ABR: variants seen among roughly 807,000 people sequenced by gnomAD.
The protein encoded by ABR is ABR activator of RhoGEF and GTPase.
Under a neutral mutation model 107.2 loss-of-function variants are expected in ABR, and 35 were observed. The observed-to-expected ratio is 0.33, with a 90% CI of 0.25 to 0.43. ABR has a LOEUF of 0.43. ABR is among the 20% of genes least tolerant of loss of function. The probability of loss-of-function intolerance (pLI) is 1.00; values close to 1 mark genes in which losing one functional copy is unlikely to be tolerated. For missense variants in ABR, 815 were observed against 1,115.2 expected, an observed-to-expected ratio of 0.73 and a Z score of 3.83; for synonymous variants, 498 against 462.0, an observed-to-expected ratio of 1.08 and a Z score of -1.00.
intron 8 of ABR, 144 bp downstream of exon 8, chr17:1,072,470 T>C: frequency 2.8e-6 from 1 of 356,128 alleles, no homozygotes; most frequent in South Asian, 3.7e-5. Flanking sequence ...CTGCCGCCCG[T>C]GTGTGAGAGA....
At chr17:1,125,069 C>T in intron 2 of ABR, 114 bp downstream of exon 2, 1 of 1,133,944 alleles carries the variant, frequency 8.8e-7, no homozygotes, top group Non-Finnish European at 1.2e-6. Context: ...CGGCCAGGTC[C>T]AAACGTCTCC....
intron 1 of ABR, among the ~76,000 whole-genome samples, chr17:1,146,449 G>A (rs1261002060): frequency 6.6e-6 from 1 of 152,196 alleles, no homozygotes; most frequent in Non-Finnish European, 1.5e-5. Context: ...GAAACGGAAT[G>A]ATAGGATTGT....
At chr17:1,016,044 A>G (rs926747692) in intron 16 of ABR, among the ~76,000 whole-genome samples, 5 of 152,246 alleles carry the variant, frequency 3.3e-5, no homozygotes, top group Non-Finnish European at 7.3e-5. Flanking sequence ...AAATATGTGA[A>G]CAATGAAACA....
intron 16 of ABR, among the ~76,000 whole-genome samples, chr17:1,026,259 C>T (rs2072185927): frequency 6.6e-6 from 1 of 152,186 alleles, no homozygotes; most frequent in African/African-American, 2.4e-5. Flanking sequence ...AATGGGAAAC[C>T]TTGACTCCCA....
At chr17:1,146,510 G>T (rs556281499) in intron 1 of ABR, among the ~76,000 whole-genome samples, 31 of 152,228 alleles carry the variant, frequency 2.0e-4, no homozygotes, top group Admixed American at 5.9e-4. Context: ...ACAGTGCGGG[G>T]CACATGAAGA....
At chr17:1,100,915 C>T (rs948840024) in intron 2 of ABR, 180 bp from the exon 3 acceptor site, 2 of 617,196 alleles carry the variant, frequency 3.2e-6, no homozygotes, top group Admixed American at 5.5e-5. Flanking sequence ...CCTCCGCCTC[C>T]CGGGTTCCAG....
intron 16 of ABR, among the ~76,000 whole-genome samples, chr17:1,019,609 T>A (rs1254938443): frequency 6.6e-6 from 1 of 152,262 alleles, no homozygotes; most frequent in Non-Finnish European, 1.5e-5. Context: ...CCAAGTCTAT[T>A]TCAGGATATC....
At chr17:1,137,984 T>C (rs1445327782) in intron 1 of ABR, among the ~76,000 whole-genome samples, 1 of 150,938 alleles carries the variant, frequency 6.6e-6, no homozygotes, top group Non-Finnish European at 1.5e-5. Context: ...CACTGCAACC[T>C]CCGCCTCCTG....
chr17:1,059,816 G>A (rs181616840), intron 10 of ABR, among the ~76,000 whole-genome samples: 1 of 152,278 alleles, frequency 6.6e-6, no homozygotes, highest in African/African-American at 2.4e-5. Context: ...TAACCCACTG[G>A]ACTGGCAAAA....
At chr17:1,128,758 G>A (rs1039734860) in intron 1 of ABR, among the ~76,000 whole-genome samples, 2 of 151,188 alleles carry the variant, frequency 1.3e-5, no homozygotes, top group Non-Finnish European at 2.9e-5. Flanking sequence ...AGGGCACAGT[G>A]GAGCCCACCC....
chr17:1,044,606 G>A (rs1400310695), intron 16 of ABR, among the ~76,000 whole-genome samples: 2 of 151,412 alleles, frequency 1.3e-5, no homozygotes, highest in Non-Finnish European at 2.9e-5. Flanking sequence ...AGCCAAGATT[G>A]CGCCATTGCA....
At chr17:1,209,599 A>G (rs1470758758) in intron 1 of ABR, among the ~76,000 whole-genome samples, 1 of 151,992 alleles carries the variant, frequency 6.6e-6, no homozygotes, top group Admixed American at 6.6e-5. Context: ...TCTTCCAGAT[A>G]GAGTTTATGG....
Position 1,013,665 on chromosome 17 carries a change from G to C in ABR, c.1792-501C>G, listed in dbSNP as rs569267498. 1.1e-4 allele frequency among the ~76,000 whole-genome samples: 17 copies of C among 152,362 alleles called. No individual in the cohort carries two copies. The South Asian group carries it at 3.3e-3, about 30-fold the overall frequency. On this transcript the variant is annotated intron_variant, in intron 16 of 22. Coordinates refer to ENST00000302538, the MANE Select transcript of ABR (RefSeq NM_021962.5). ...CGCGCACAGGAGGCTGCCTGGGTTT[G>C]AATCCTGGCAAGTTTTAAACTCACT...
rs977001975 is a variant in ABR, at chr17:1,229,383, G to T, written c.248C>A (p.Ser83Tyr). The stretch of plus-strand genomic sequence containing the variant: ...GGGGCGCCCGGGGTCCCCGCGGGGA[G>T]ACTCGGCCTCGGGGTCGGGGCGCCC... Residue 83 changes from serine (S) to tyrosine (Y), a missense_variant, in exon 1 of 23, where the codon TCT becomes TAT. Physicochemically the swap from Ser to Tyr is moderately radical, Grantham distance 144. Coordinates refer to the ABR transcript ENST00000574139. Among the ~76,000 whole-genome samples, 4 of 144,676 alleles carry T rather than the reference G, an allele frequency of 2.8e-5. No homozygotes were observed. In the South Asian group the frequency reaches 8.5e-4, roughly 31 times the overall value. The allele number at this position is 144,676 out of a possible 152,430, so 94.9% of individuals were successfully genotyped here. A position where few individuals can be genotyped will look rare whatever the true frequency, so the allele number is the denominator to read the frequency against.
At chr17:1,115,428 A>G (rs2038938941) in intron 2 of ABR, 1 of 152,116 alleles carries the variant, frequency 6.6e-6, no homozygotes, top group Non-Finnish European at 1.5e-5. Flanking sequence ...CTCAAGCCCC[A>G]CCTCCAGACT....
intron 16 of ABR, among the ~76,000 whole-genome samples, chr17:1,046,986 C>CTG (rs777759262): frequency 1.3e-5 from 2 of 152,242 alleles, no homozygotes; most frequent in Non-Finnish European, 2.9e-5. Context: ...CCACCCCACC[C>CTG]CGCCGCTGAG....
Position 1,050,591 on chromosome 17 carries a change from G to A in ABR, c.1605C>T (p.Val535=). 1 of 1,614,016 alleles carries A rather than the reference G, an allele frequency of 6.2e-7. No individual in the cohort carries two copies. The highest frequency in any genetic ancestry group is 1.1e-5 in the South Asian group (1 of 91,074). Residue 535 remains valine (V), a synonymous_variant, in exon 15 of 23, where the codon GTC becomes GTT. Transcript: ENST00000302538. This position sits in a 1 kb window ranked among gnomAD's most constrained non-coding sequence, Gnocchi z 4.6. ...GGAACACCCTGGTTTTGGCTTTGCT[G>A]ACAAAATAGCCGAAGGAATCCACCT... ...TLEVDSFGYF[V]SKAKTRVFRD...
chr17:1,011,323 C>T lies in ABR; in HGVS notation c.2102-460G>A, dbSNP rs970785131. The T allele has an allele frequency of 5.5e-6, 1 of 182,616 alleles. No individual in the cohort carries two copies. The highest frequency in any genetic ancestry group is 1.2e-5 in the Non-Finnish European group (1 of 86,338). 11.3% of individuals were successfully genotyped at this position (182,616 alleles called of 1,614,324 possible). A position where few individuals can be genotyped will look rare whatever the true frequency, so the allele number is the denominator to read the frequency against. On this transcript the variant is annotated intron_variant, in intron 19 of 22. Coordinates refer to ENST00000302538, the MANE Select transcript of ABR (RefSeq NM_021962.5). The surrounding 1 kb of genome is among the most constrained non-coding windows in gnomAD (Gnocchi z 4.8). ...CCCACCCCGTCCTCCACTCCAGGCT[C>T]CCCACGGATTCATCCCTGCCTGGCC...
rs749867731 is a variant in ABR, at chr17:1,125,487, C to A, written c.62-120G>T. On this transcript the variant is annotated intron_variant, in intron 1 of 22. Coordinates refer to ENST00000302538, the MANE Select transcript of ABR (RefSeq NM_021962.5). ...CATGGCCCCGGCCGCACCATCCACGCCTGGCCCGGGCGGGGGCTGTGCGGG... is the reference window on the plus strand; with the variant it reads ...CATGGCCCCGGCCGCACCATCCACGACTGGCCCGGGCGGGGGCTGTGCGGG... The A allele has an allele frequency of 6.8e-6, 8 of 1,170,084 alleles. No individual in the cohort carries two copies. In the African/African-American group the frequency reaches 1.2e-4, roughly 18 times the overall value. The allele number at this position is 1,170,084 out of a possible 1,614,324, so 72.5% of individuals were successfully genotyped here.
Sources: allele counts gnomAD v4.1 joint callset (sites outside exome capture counted in the v4.1 genomes callset), GRCh38; gene constraint gnomAD v4.1.1; non-coding constraint Gnocchi (gnomAD v3.1); transcripts MANE v1.5; gene names NCBI Gene and HGNC (gene_info 2026-07-23, HGNC 2026-07-21).